Variants in SP4 observed in about 807,000 individuals in gnomAD.
SP4 encodes transcription factor Sp4.
SP4 carries 19 observed loss-of-function variants against 72.8 expected under a neutral mutation model. That is an observed-to-expected ratio of 0.26 (90% CI 0.18 to 0.38). The LOEUF (loss-of-function observed/expected upper bound fraction) is 0.38, where lower values mean the gene tolerates loss of function less well. Ranked by LOEUF, SP4 falls within the 10% of genes least tolerant of loss-of-function variation. The pLI, the probability that SP4 is intolerant of heterozygous loss-of-function variation, is 1.00. For missense variants in SP4, 1,008 were observed against 926.3 expected, an observed-to-expected ratio of 1.09 and a Z score of -1.14; for synonymous variants, 395 against 333.1, an observed-to-expected ratio of 1.19 and a Z score of -2.02.
intron 3 of SP4, among the ~76,000 whole-genome samples, chr7:21,452,045 C>T (rs1314916420): frequency 6.6e-6 from 1 of 152,184 alleles, no homozygotes; most frequent in Non-Finnish European, 1.5e-5. Flanking sequence ...AGCCAGAGAT[C>T]ACTGGTTGGT....
rs952660018 is a variant in SP4, at chr7:21,435,570, T to A, written c.1678+4727T>A. Among the ~76,000 whole-genome samples the A allele has an allele frequency of 5.3e-5, 8 of 152,326 alleles. No homozygotes were observed. The South Asian group carries it at 1.7e-3, about 32-fold the overall frequency. On this transcript the variant is annotated intron_variant, in intron 3 of 5. Transcript: ENST00000222584. Reference sequence around the variant, plus strand: ...CCATATATGTTTTATTAATTTGGATTTCCCTAATGGGCATCTGTATATATA... The same window carrying A: ...CCATATATGTTTTATTAATTTGGATATCCCTAATGGGCATCTGTATATATA...
Position 21,429,559 on chromosome 7 carries a change from A to T in SP4, c.394A>T (p.Asn132Tyr). 2 of 1,614,180 alleles carry T rather than the reference A, an allele frequency of 1.2e-6. No individual in the cohort carries two copies. Among genetic ancestry groups the T allele is most frequent in the South Asian group, 1.1e-5 (1 of 91,084 alleles). The change falls in exon 3 of 6, where the codon AAC becomes TAC. Residue 132 changes from asparagine to tyrosine, a missense_variant. Asn to Tyr is a moderately radical substitution (Grantham distance 143). This residue lies in a region of SP4 where 893 missense variants were observed against 743.3 expected (regional missense o/e 1.20). Coordinates refer to ENST00000222584, the MANE Select transcript of SP4 (RefSeq NM_003112.5). ...SSSSSSSSSN[N>Y]GSASPTKTKS... is the part of the protein sequence containing the mutation. ...TTCGTCTAGTTCTTCCAGCAGTAAT[A>T]ACGGGAGTGCATCTCCTACAAAAAC... is the stretch of plus-strand genomic sequence containing the variant.
intron 5 of SP4, among the ~76,000 whole-genome samples, chr7:21,501,905 C>G (rs931641367): frequency 6.6e-6 from 1 of 152,046 alleles, no homozygotes; most frequent in Non-Finnish European, 1.5e-5. Context: ...GAGGATGTCC[C>G]GAGTATAATC....
At chr7:21,459,155 C>G (rs1359602930) in intron 3 of SP4, among the ~76,000 whole-genome samples, 3 of 152,166 alleles carry the variant, frequency 2.0e-5, no homozygotes, top group East Asian at 1.9e-4. Flanking sequence ...GAGTCTCACT[C>G]TGTCACCAGG....
rs1312010100 is a variant in SP4, at chr7:21,430,427, C to G, written c.1262C>G (p.Pro421Arg). 1.2e-6 allele frequency: 2 copies of G among 1,614,194 alleles called. No individual in the cohort carries two copies. The highest frequency in any genetic ancestry group is 4.5e-5 in the East Asian group (2 of 44,890). The change falls in exon 3 of 6, where the codon CCA (proline) becomes CGA (arginine). Residue 421 changes from proline to arginine, a missense_variant. By Grantham distance (103) the Pro-to-Arg change is moderately radical. Coordinates refer to ENST00000222584, the MANE Select transcript of SP4 (RefSeq NM_003112.5). ...QPQQQIIQAI[P>R]PQSFQLQSGQ... The stretch of plus-strand genomic sequence containing the variant: ...CAGCAACAGATCATTCAGGCTATTC[C>G]ACCACAGTCGTTTCAACTCCAGTCA...
chr7:21,496,382 T>A (rs1781706759), intron 5 of SP4, among the ~76,000 whole-genome samples: 3 of 152,266 alleles, frequency 2.0e-5, no homozygotes, highest in Admixed American at 6.5e-5. Context: ...CTCATGTGCA[T>A]GCCTCAGTAT....
chr7:21,499,625 C>T (rs191533950), intron 5 of SP4, among the ~76,000 whole-genome samples: 1 of 151,716 alleles, frequency 6.6e-6, no homozygotes, highest in African/African-American at 2.4e-5. Context: ...CTTCTGGCCT[C>T]CAGAACTGTG....
chr7:21,430,651 A>T lies in SP4; in HGVS notation c.1486A>T (p.Ile496Phe), dbSNP rs1474448179. Reference sequence around the variant, plus strand: ...TGCTGGGTTATCCCAACAATTAACCATCACCCCAGTGTCTTCAAGTGGTGG... The same window carrying T: ...TGCTGGGTTATCCCAACAATTAACCTTCACCCCAGTGTCTTCAAGTGGTGG... ...QNAGLSQQLTITPVSSSGGTT... is the reference protein window; with the variant it reads ...QNAGLSQQLTFTPVSSSGGTT... Residue 496 changes from isoleucine (I) to phenylalanine (F), a missense_variant, in exon 3 of 6, where the codon ATC becomes TTC. Ile to Phe is a conservative substitution (Grantham distance 21). Around this residue, in one of 3 missense-constraint regions of SP4, gnomAD observed 893 missense variants for 743.3 expected, o/e 1.20. Transcript: ENST00000222584. 9.3e-6 allele frequency: 15 copies of T among 1,614,250 alleles called. No individual in the cohort carries two copies. Among genetic ancestry groups the T allele is most frequent in the Non-Finnish European group, 1.3e-5 (15 of 1,180,042 alleles).
chr7:21,494,968 G>A (rs1047095897), intron 5 of SP4, among the ~76,000 whole-genome samples: 1 of 151,888 alleles, frequency 6.6e-6, no homozygotes, highest in African/African-American at 2.4e-5. Context: ...CCACACACAG[G>A]GTGCAAAAAC....
intron 4 of SP4, among the ~76,000 whole-genome samples, chr7:21,478,352 T>C (rs538088170): frequency 6.6e-6 from 1 of 152,236 alleles, no homozygotes; most frequent in East Asian, 1.9e-4. Context: ...TGTGGGCATA[T>C]GTTTTCATTT....
At chr7:21,487,759 ATGATGG>A (rs57708815) in intron 5 of SP4, among the ~76,000 whole-genome samples, 41,914 of 131,506 alleles carry the variant, frequency 0.32, 6,454 homozygotes, top group Non-Finnish European at 0.35. Context: ...GATGATGATG[ATGATGG>A]TGGTGGTGGT....
At chr7:21,495,674 C>T (rs1781687172) in intron 5 of SP4, among the ~76,000 whole-genome samples, 1 of 152,010 alleles carries the variant, frequency 6.6e-6, no homozygotes, top group Non-Finnish European at 1.5e-5. Flanking sequence ...TGACACACTG[C>T]CTTTGGAAAC....
In SP4 at chr7:21,430,800, T is replaced by G. The variant is rs750405413; in HGVS notation, c.1635T>G (p.Gly545=). Residue 545 remains glycine (G), a synonymous_variant, in exon 3 of 6, where the codon GGT becomes GGG. Coordinates refer to ENST00000222584, the MANE Select transcript of SP4 (RefSeq NM_003112.5). ...TVSVANLGAA[G]VQVQGVPVTI... ...GCGTTGCCAACCTGGGTGCTGCAGGTGTTCAAGTGCAGGGAGTTCCCGTTA... is the reference window on the plus strand; with the variant it reads ...GCGTTGCCAACCTGGGTGCTGCAGGGGTTCAAGTGCAGGGAGTTCCCGTTA... 1.1e-5 allele frequency: 17 copies of G among 1,614,044 alleles called. No individual in the cohort carries two copies. The highest frequency in any genetic ancestry group is 8.8e-5 in the South Asian group (8 of 91,076).
intron 5 of SP4, among the ~76,000 whole-genome samples, chr7:21,508,445 G>T (rs530401903): frequency 6.6e-6 from 1 of 152,142 alleles, no homozygotes; most frequent in Non-Finnish European, 1.5e-5. Context: ...TCCTGCCTCA[G>T]CCTCCCAAGT....
intron 5 of SP4, among the ~76,000 whole-genome samples, chr7:21,485,729 T>C (rs1278124541): frequency 6.6e-6 from 1 of 152,048 alleles, no homozygotes; most frequent in Non-Finnish European, 1.5e-5. Context: ...TCTTTTTTCT[T>C]GTATTGTTTG....
intron 3 of SP4, among the ~76,000 whole-genome samples, chr7:21,438,173 G>C (rs1225994939): frequency 6.6e-6 from 1 of 152,136 alleles, no homozygotes; most frequent in Non-Finnish European, 1.5e-5. Flanking sequence ...AGATTTTGTA[G>C]ACTGCAGAAG....
In SP4 at chr7:21,429,343, A is replaced by T; in HGVS notation, c.178A>T (p.Thr60Ser). 4.3e-6 allele frequency: 7 copies of T among 1,609,540 alleles called. No individual in the cohort carries two copies. Among genetic ancestry groups the T allele is most frequent in the Non-Finnish European group, 5.9e-6 (7 of 1,178,292 alleles). The change falls in exon 3 of 6, where the codon ACT becomes TCT. Residue 60 changes from threonine to serine, a missense_variant. This residue lies in a region of SP4 where 893 missense variants were observed against 743.3 expected (regional missense o/e 1.20). Transcript: ENST00000222584. ...GGCAGCTACTTGCAGCAAAATAGGGACTCCTGGTGAAAATCAAGCAACTGG... is the reference window on the plus strand; with the variant it reads ...GGCAGCTACTTGCAGCAAAATAGGGTCTCCTGGTGAAAATCAAGCAACTGG... ...LLAATCSKIG[T>S]PGENQATGQQ...
At position 21,477,079 on chromosome 7, in the gene SP4, G is replaced by C; in HGVS notation, c.1679G>C (p.Gly560Ala). The part of the protein sequence containing the change: ...GVPVTITSVA[G>A]QQQGQDGVKV... ...ACTTCTTTTTTTTCTTCCTTTTTAG[G>C]TCAGCAGCAAGGACAAGATGGAGTA... Residue 560 changes from glycine to alanine, a missense_variant and splice_region_variant, in exon 4 of 6, where the codon GGT becomes GCT. This residue lies in a region of SP4 where 893 missense variants were observed against 743.3 expected (regional missense o/e 1.20). Coordinates refer to ENST00000222584, the MANE Select transcript of SP4 (RefSeq NM_003112.5). The C allele has an allele frequency of 1.9e-6, 3 of 1,608,976 alleles. No homozygotes were observed. The highest frequency in any genetic ancestry group is 2.6e-6 in the Non-Finnish European group (3 of 1,176,406).
chr7:21,475,723 A>C (rs1784480758), intron 3 of SP4, among the ~76,000 whole-genome samples: 1 of 152,200 alleles, frequency 6.6e-6, no homozygotes, highest in Non-Finnish European at 1.5e-5. Context: ...CAGCCTCCCA[A>C]AGTGACATAT....
Sources: allele counts gnomAD v4.1 joint callset (sites outside exome capture counted in the v4.1 genomes callset), GRCh38; gene constraint gnomAD v4.1.1; regional missense constraint gnomAD v4.1.1; transcripts MANE v1.5; gene names NCBI Gene and HGNC (gene_info 2026-07-23, HGNC 2026-07-21).